The following TSHZ3 variants were observed in gnomAD, a reference collection of about 807,000 sequenced individuals.
TSHZ3 encodes the protein teashirt zinc finger homeobox 3.
A neutral mutation model predicts 64.5 loss-of-function variants in TSHZ3; 10 were observed. The ratio of observed to expected loss-of-function variants is 0.16; its 90% CI spans 0.10 to 0.26. TSHZ3 has a LOEUF of 0.26. TSHZ3 is among the 10% of genes least tolerant of loss of function. The pLI, the probability that TSHZ3 is intolerant of heterozygous loss-of-function variation, is 1.00. For missense variants in TSHZ3, 1,242 were observed against 1,421.7 expected, an observed-to-expected ratio of 0.87 and a Z score of 2.03; for synonymous variants, 608 against 593.1, an observed-to-expected ratio of 1.03 and a Z score of -0.36.
At position 31,277,245 on chromosome 19, in the gene TSHZ3, T is replaced by C. The variant is rs1236246476; in HGVS notation, c.2548A>G (p.Met850Val). 1 of 1,614,204 alleles carries C rather than the reference T, an allele frequency of 6.2e-7. No individual in the cohort carries two copies. Among genetic ancestry groups the C allele is most frequent in the South Asian group, 1.1e-5 (1 of 91,086 alleles). The change falls in exon 2 of 2, where the codon ATG (methionine) becomes GTG (valine). Residue 850 changes from methionine (M) to valine (V), a missense_variant. Physicochemically the swap from Met to Val is conservative, Grantham distance 21. This residue lies in a region of TSHZ3 where 550 missense variants were observed against 545.1 expected (regional missense o/e 1.01). Coordinates refer to ENST00000240587, the MANE Select transcript of TSHZ3 (RefSeq NM_020856.4). This position sits in a 1 kb window ranked among gnomAD's most constrained non-coding sequence, Gnocchi z 4.5. ...RENALSDISD[M>V]LKNLTESHTS... Reference sequence around the variant, plus strand: ...TGGCTCTCTGTCAAGTTCTTCAGCATATCGGATATATCTGACAAGGCATTC... The same window carrying C: ...TGGCTCTCTGTCAAGTTCTTCAGCACATCGGATATATCTGACAAGGCATTC...
At chr19:31,350,661 C>A (rs2021693917), upstream of TSHZ3, among the ~76,000 whole-genome samples, 1 of 151,418 alleles carries the variant, frequency 6.6e-6, no homozygotes, top group African/African-American at 2.4e-5. Flanking sequence ...GCCGACTGGC[C>A]GCGGCAAGAA....
intron 5 of TSHZ3, among the ~76,000 whole-genome samples, chr19:31,177,511 C>A (rs962518768): frequency 6.6e-6 from 1 of 152,258 alleles, no homozygotes; most frequent in Non-Finnish European, 1.5e-5. Context: ...TCTTCACATA[C>A]CCTTCTCCTC....
chr19:31,300,485 A>G (rs1344434951), intron 1 of TSHZ3, among the ~76,000 whole-genome samples: 1 of 152,208 alleles, frequency 6.6e-6, no homozygotes, highest in South Asian at 2.1e-4. Context: ...CAATGTGGAC[A>G]AAAAGAAAAA....
chr19:31,164,067 G>A (rs538420667), intron 5 of TSHZ3, among the ~76,000 whole-genome samples: 49 of 152,212 alleles, frequency 3.2e-4, no homozygotes, highest in Admixed American at 2.4e-3. Flanking sequence ...TCACGTGAGC[G>A]GCTGGCTCCA....
chr19:31,298,349 G>A (rs1353208214), intron 1 of TSHZ3, among the ~76,000 whole-genome samples: 1 of 152,078 alleles, frequency 6.6e-6, no homozygotes, highest in African/African-American at 2.4e-5. Flanking sequence ...CCCATACAGA[G>A]CAGAGGGAGG....
chr19:31,152,250 C>G (rs1249284091), intron 6 of TSHZ3, among the ~76,000 whole-genome samples: 1 of 151,354 alleles, frequency 6.6e-6, no homozygotes. Context: ...TAAGCAGGAA[C>G]CAAACTCATG....
chr19:31,341,838 T>C (rs1917448855), intron 1 of TSHZ3, among the ~76,000 whole-genome samples: 1 of 152,178 alleles, frequency 6.6e-6, no homozygotes, highest in Non-Finnish European at 1.5e-5. Context: ...CAGAAGACAA[T>C]GGTCACCTTT....
intron 1 of TSHZ3, among the ~76,000 whole-genome samples, chr19:31,325,308 C>T (rs1916902404): frequency 1.3e-5 from 2 of 152,200 alleles, no homozygotes; most frequent in Admixed American, 6.5e-5. Context: ...TCCCGTCCAT[C>T]CAATGAGGCT....
Position 31,278,882 on chromosome 19 carries a change from G to T in TSHZ3, c.911C>A (p.Pro304His). 6.2e-7 allele frequency: 1 copy of T among 1,614,090 alleles called. No individual in the cohort carries two copies. Among genetic ancestry groups the T allele is most frequent in the Non-Finnish European group, 8.5e-7 (1 of 1,180,028 alleles). Residue 304 changes from proline to histidine, a missense_variant, in exon 2 of 2, where the codon CCT becomes CAT. Coordinates refer to ENST00000240587, the MANE Select transcript of TSHZ3 (RefSeq NM_020856.4). This position sits in a 1 kb window ranked among gnomAD's most constrained non-coding sequence, Gnocchi z 4.7. ...GACAGGAGTGACGGGTTCCTTCAGA[G>T]GCACTTTTTGGTAGTGTTTTGTTTT... ...MIKTKHYQKVPLKEPVTPVAA... is the reference protein window; with the variant it reads ...MIKTKHYQKVHLKEPVTPVAA...
At chr19:31,285,126 C>T (rs138058961) in intron 1 of TSHZ3, among the ~76,000 whole-genome samples, 484 of 152,270 alleles carry the variant, frequency 3.2e-3, no homozygotes, top group African/African-American at 0.011. Flanking sequence ...ACACCCCAGT[C>T]GGTGGTCTCC....
In TSHZ3 at chr19:31,206,309, G is replaced by A. The variant is rs80036103; in HGVS notation, n.687-1231C>T. Among the ~76,000 whole-genome samples, 193 of 151,150 alleles carry A rather than the reference G, an allele frequency of 1.3e-3. 2 individuals carry two copies. In the East Asian group the frequency reaches 0.033, roughly 26 times the overall value. ...GATGGATGGGTGAATAGATGGGTGG[G>A]TGGATGGATGGATGGATAGATGGAT... On this transcript the variant is annotated intron_variant and non_coding_transcript_variant, in intron 4 of 6. Transcript: ENST00000651361.
intron 5 of TSHZ3, among the ~76,000 whole-genome samples, chr19:31,183,820 C>T (rs1974763045): frequency 1.3e-5 from 2 of 152,136 alleles, no homozygotes; most frequent in Admixed American, 1.3e-4. Flanking sequence ...AGTGTTTTGA[C>T]TGAAGAGTCT....
At chr19:31,334,351 T>C (rs905054110) in intron 1 of TSHZ3, among the ~76,000 whole-genome samples, 2 of 152,218 alleles carry the variant, frequency 1.3e-5, no homozygotes, top group Non-Finnish European at 2.9e-5. Flanking sequence ...TTTCACCACA[T>C]GAAAACCACT....
intron 5 of TSHZ3, among the ~76,000 whole-genome samples, chr19:31,191,296 G>A (rs1255998159): frequency 1.3e-5 from 2 of 152,048 alleles, no homozygotes; most frequent in Non-Finnish European, 2.9e-5. Flanking sequence ...AGCAGCCATA[G>A]ATAAAAATCA....
chr19:31,272,008 A>AT (rs201400785), downstream of TSHZ3, among the ~76,000 whole-genome samples: 2,210 of 152,268 alleles, frequency 0.015, 58 homozygotes, highest in African/African-American at 0.05. Context: ...CGCAATTGCA[A>AT]TTTTCCAATC....
intron 5 of TSHZ3, among the ~76,000 whole-genome samples, chr19:31,179,547 G>A (rs751197302): frequency 2.0e-5 from 3 of 152,192 alleles, no homozygotes; most frequent in Non-Finnish European, 4.4e-5. Context: ...ATCTATCCCC[G>A]TGATGAAGAC....
chr19:31,337,106 C>T (rs528782124), intron 1 of TSHZ3, among the ~76,000 whole-genome samples: 4 of 147,718 alleles, frequency 2.7e-5, no homozygotes, highest in Admixed American at 6.9e-5. Context: ...TTAATTATTC[C>T]GTCTGACAAT....
intron 4 of TSHZ3, among the ~76,000 whole-genome samples, chr19:31,221,004 A>G (rs1245875121): frequency 6.6e-6 from 1 of 152,256 alleles, no homozygotes; most frequent in African/African-American, 2.4e-5. Context: ...ATGCCTAATT[A>G]CAAATGTTTA....
intron 5 of TSHZ3, among the ~76,000 whole-genome samples, chr19:31,186,122 C>T (rs1051034481): frequency 2.0e-5 from 3 of 152,162 alleles, no homozygotes; most frequent in Non-Finnish European, 4.4e-5. Flanking sequence ...AATCAAGTCG[C>T]GGTGACCGTT....
Sources: allele counts gnomAD v4.1 joint callset (sites outside exome capture counted in the v4.1 genomes callset), GRCh38; gene constraint gnomAD v4.1.1; regional missense constraint gnomAD v4.1.1; non-coding constraint Gnocchi (gnomAD v3.1); transcripts MANE v1.5; gene names NCBI Gene and HGNC (gene_info 2026-07-23, HGNC 2026-07-21).